CDK6: variants seen among roughly 807,000 people sequenced by gnomAD.
CDK6 encodes the protein cyclin-dependent kinase 6.
CDK6 carries 6 observed loss-of-function variants against 37.1 expected under a neutral mutation model. That is an observed-to-expected ratio of 0.16 (90% CI 0.09 to 0.32). The LOEUF (loss-of-function observed/expected upper bound fraction) is 0.32, where lower values mean the gene tolerates loss of function less well. Among genes scored for constraint, CDK6 ranks in the 10% least tolerant of loss-of-function variants. The pLI is 1.00. For synonymous variants in CDK6, 160 were observed against 161.3 expected (o/e 0.99, Z 0.06); for missense variants, 224 against 418.9 (o/e 0.53, Z 4.06).
At chr7:92,685,175 A>T (rs1458380390) in intron 4 of CDK6, among the ~76,000 whole-genome samples, 1 of 152,244 alleles carries the variant, frequency 6.6e-6, no homozygotes, top group Non-Finnish European at 1.5e-5. Flanking sequence ...GAATATATAC[A>T]TTCATTTGCT....
intron 3 of CDK6, among the ~76,000 whole-genome samples, chr7:92,741,161 A>G (rs552041949): frequency 5.3e-5 from 8 of 152,348 alleles, no homozygotes; most frequent in African/African-American, 1.7e-4. Context: ...TAGAAAGAAC[A>G]TGGGTAATTC....
intron 2 of CDK6, among the ~76,000 whole-genome samples, chr7:92,818,236 A>C (rs904039595): frequency 6.6e-6 from 1 of 152,060 alleles, no homozygotes; most frequent in Non-Finnish European, 1.5e-5. Context: ...TGACATTGGC[A>C]AAAGGATAGA....
At chr7:92,782,217 T>C (rs1030518144) in intron 2 of CDK6, among the ~76,000 whole-genome samples, 4 of 152,216 alleles carry the variant, frequency 2.6e-5, no homozygotes, top group African/African-American at 9.7e-5. Context: ...CAGGTAATGA[T>C]GTATGGCTAT....
Position 92,608,376 on chromosome 7 carries a change from G to GA in CDK6, c.*6763dup, listed in dbSNP as rs969450628. 4.3e-6 allele frequency: 1 copy of GA among 231,482 alleles called. No individual in the cohort carries two copies. Among genetic ancestry groups the GA allele is most frequent in the Non-Finnish European group, 8.5e-6 (1 of 117,016 alleles). 14.3% of individuals were successfully genotyped at this position (231,482 alleles called of 1,614,324 possible). A position where few individuals can be genotyped will look rare whatever the true frequency, so the allele number is the denominator to read the frequency against. On this transcript the variant is annotated 3_prime_UTR_variant, in exon 8 of 8. Transcript: ENST00000424848. ...TAATTACCTAACAAAGAAAAAGAGA[G>GA]AAAAGAAACTGGAAGCTAAAGAATT... is the stretch of plus-strand genomic sequence containing the variant.
intron 5 of CDK6, among the ~76,000 whole-genome samples, chr7:92,660,647 T>C (rs1796814503): frequency 6.6e-6 from 1 of 152,086 alleles, no homozygotes; most frequent in Non-Finnish European, 1.5e-5. Context: ...GGGTGACTGT[T>C]AAAGGCAGCC....
At chr7:92,706,110 G>A (rs1000697647) in intron 4 of CDK6, among the ~76,000 whole-genome samples, 1 of 152,224 alleles carries the variant, frequency 6.6e-6, no homozygotes, top group African/African-American at 2.4e-5. Context: ...ATAGTACAAT[G>A]AGTCACTTAT....
At chr7:92,697,544 A>C (rs1375367873) in intron 4 of CDK6, among the ~76,000 whole-genome samples, 1 of 152,220 alleles carries the variant, frequency 6.6e-6, no homozygotes, top group Non-Finnish European at 1.5e-5. Flanking sequence ...CACTTGTCAG[A>C]GATACAATCC....
intron 2 of CDK6, among the ~76,000 whole-genome samples, chr7:92,791,274 G>A (rs1050103930): frequency 6.6e-6 from 1 of 152,136 alleles, no homozygotes; most frequent in Non-Finnish European, 1.5e-5. Context: ...AGTGTTCCCA[G>A]ATCTTTGGTT....
rs1001619404 is a variant in CDK6 at position 92,729,389 on chromosome 7, G to T, written c.370-3596C>A. Reference sequence around the variant, plus strand: ...CAGGTTTAAAAGTTTCCCTTTTTATGTTATACGGCACAGTCTGGTATAAAA... The same window carrying T: ...CAGGTTTAAAAGTTTCCCTTTTTATTTTATACGGCACAGTCTGGTATAAAA... On this transcript the variant is annotated intron_variant, in intron 3 of 7. Coordinates refer to ENST00000424848, the MANE Select transcript of CDK6 (RefSeq NM_001145306.2). Among the ~76,000 whole-genome samples, 44 of 152,146 alleles carry T rather than the reference G, an allele frequency of 2.9e-4. 1 individual carries two copies. Among genetic ancestry groups the T allele is most frequent in the Non-Finnish European group, 2.1e-4 (14 of 68,014 alleles).
At chr7:92,639,468 C>T (rs1273597553) in intron 5 of CDK6, among the ~76,000 whole-genome samples, 1 of 152,166 alleles carries the variant, frequency 6.6e-6, no homozygotes, top group Non-Finnish European at 1.5e-5. Context: ...CTTTCTTGCT[C>T]AGCAGTATTA....
intron 3 of CDK6, among the ~76,000 whole-genome samples, chr7:92,737,882 C>G (rs1047356596): frequency 6.6e-6 from 1 of 152,116 alleles, no homozygotes; most frequent in African/African-American, 2.4e-5. Context: ...CCACAATGTA[C>G]CTCCTTGAAA....
chr7:92,639,488 A>G (rs1419804649), intron 5 of CDK6, among the ~76,000 whole-genome samples: 1 of 152,192 alleles, frequency 6.6e-6, no homozygotes, highest in African/African-American at 2.4e-5. Context: ...ACTGGACAGC[A>G]TGGCTTTGGT....
At chr7:92,748,254 G>A (rs998558365) in intron 3 of CDK6, among the ~76,000 whole-genome samples, 2 of 152,108 alleles carry the variant, frequency 1.3e-5, no homozygotes, top group Admixed American at 1.3e-4. Flanking sequence ...AGCAGGAAAT[G>A]CAAAAAAGGC....
At chr7:92,775,291 T>C (rs766363958) in intron 2 of CDK6, among the ~76,000 whole-genome samples, 1 of 152,242 alleles carries the variant, frequency 6.6e-6, no homozygotes, top group Non-Finnish European at 1.5e-5. Context: ...GTCACAACCA[T>C]GTCTGTGAAA....
At chr7:92,641,484 G>T (rs1434346925) in intron 5 of CDK6, among the ~76,000 whole-genome samples, 1 of 152,088 alleles carries the variant, frequency 6.6e-6, no homozygotes, top group Non-Finnish European at 1.5e-5. Context: ...TTTCTGGTAT[G>T]TTCCCATATT....
At chr7:92,681,741 T>C (rs189664060) in intron 4 of CDK6, among the ~76,000 whole-genome samples, 31 of 152,288 alleles carry the variant, frequency 2.0e-4, no homozygotes, top group African/African-American at 7.2e-4. Flanking sequence ...TTTGTCTCTT[T>C]TAAATTATTG....
chr7:92,758,898 T>C (rs546643898), intron 3 of CDK6, among the ~76,000 whole-genome samples: 9 of 152,286 alleles, frequency 5.9e-5, no homozygotes, highest in East Asian at 5.8e-4. Context: ...TTTGTGGCAA[T>C]TGTGAATGGG....
chr7:92,828,630 A>G (rs961060754), intron 2 of CDK6, among the ~76,000 whole-genome samples: 25 of 152,204 alleles, frequency 1.6e-4, no homozygotes, highest in African/African-American at 4.8e-4. Context: ...ATTTGCATAG[A>G]TATTCATTTA....
chr7:92,786,613 C>CTGTG (rs557928459), intron 2 of CDK6, among the ~76,000 whole-genome samples: 83 of 143,712 alleles, frequency 5.8e-4, no homozygotes, highest in Admixed American at 1.3e-3. Context: ...TAATCTGGCT[C>CTGTG]TGTGTGTGTG....
Sources: allele counts gnomAD v4.1 joint callset (sites outside exome capture counted in the v4.1 genomes callset), GRCh38; gene constraint gnomAD v4.1.1; transcripts MANE v1.5; gene names NCBI Gene and HGNC (gene_info 2026-07-23, HGNC 2026-07-21).